Variants in SMIM7 observed in about 807,000 individuals in gnomAD.
SMIM7 encodes UPF0608 protein C19orf42.
SMIM7 carries 12 observed loss-of-function variants against 13.3 expected under a neutral mutation model. The ratio of observed to expected loss-of-function variants is 0.90; its 90% confidence interval spans 0.58 to 1.46. The LOEUF (loss-of-function observed/expected upper bound fraction) is 1.46, where lower values mean the gene tolerates loss of function less well. SMIM7 is among the 40% of genes most tolerant of loss of function. The pLI, the probability that SMIM7 is intolerant of heterozygous loss-of-function variation, is 0.00. For missense variants in SMIM7, 114 were observed against 94.8 expected (o/e 1.20, Z -0.84); for synonymous variants, 36 against 35.8 (o/e 1.01, Z -0.02).
intron 4 of SMIM7, among the ~76,000 whole-genome samples, chr19:16,639,251 T>C (rs994439014): frequency 1.3e-5 from 2 of 150,434 alleles, no homozygotes; most frequent in African/African-American, 4.9e-5. Flanking sequence ...GCCTCCCGAG[T>C]AGCTGGGATT....
downstream of SMIM7, among the ~76,000 whole-genome samples, chr19:16,642,679 A>G (rs539560608): frequency 2.2e-4 from 34 of 152,240 alleles, no homozygotes; most frequent in Admixed American, 9.8e-4. Flanking sequence ...GTCTCTCCCA[A>G]AAAATAAAAA....
chr19:16,644,503 C>T (rs1212997950), downstream of SMIM7, among the ~76,000 whole-genome samples: 3 of 151,156 alleles, frequency 2.0e-5, no homozygotes, highest in African/African-American at 7.3e-5. Context: ...CTGGCACGAT[C>T]TCAGCTCACT....
chr19:16,658,314 T>G (rs1028398041), intron 3 of SMIM7, among the ~76,000 whole-genome samples: 7 of 152,208 alleles, frequency 4.6e-5, no homozygotes, highest in African/African-American at 1.7e-4. Context: ...CCTAGCACAG[T>G]AGCCAGCATG....
chr19:16,651,754 TGA>T (rs1457842739), intron 4 of SMIM7, among the ~76,000 whole-genome samples: 2 of 148,148 alleles, frequency 1.3e-5, no homozygotes, highest in African/African-American at 2.5e-5. Context: ...AAGACGAGAA[TGA>T]GAGAAGCATG....
At chr19:16,656,490 A>G (rs2086598829) in intron 3 of SMIM7, among the ~76,000 whole-genome samples, 2 of 152,210 alleles carry the variant, frequency 1.3e-5, no homozygotes, top group Admixed American at 6.5e-5. Flanking sequence ...GGGAGGAGAA[A>G]TACTAAACAA....
intron 3 of SMIM7, among the ~76,000 whole-genome samples, chr19:16,658,912 G>A (rs1302048572): frequency 6.6e-6 from 1 of 151,942 alleles, no homozygotes; most frequent in Non-Finnish European, 1.5e-5. Flanking sequence ...ACATCAGGGA[G>A]GTCTGGTAGG....
At chr19:16,636,125 A>G (rs993089790) in intron 4 of SMIM7, 18 of 152,126 alleles carry the variant, frequency 1.2e-4, no homozygotes, top group African/African-American at 4.3e-4. Flanking sequence ...TAAATGGGGA[A>G]GAAAGAGGTA....
intron 4 of SMIM7, chr19:16,653,089 A>C (rs959319962): frequency 3.6e-6 from 4 of 1,103,606 alleles, no homozygotes; most frequent in Non-Finnish European, 5.1e-6. Context: ...CCACCTCGGC[A>C]GATGCAGAAG....
At chr19:16,643,497 A>G (rs544202128), downstream of SMIM7, among the ~76,000 whole-genome samples, 1 of 152,266 alleles carries the variant, frequency 6.6e-6, no homozygotes, top group Non-Finnish European at 1.5e-5. Flanking sequence ...CCCGAGTTCA[A>G]GTGATTCCTC....
intron 4 of SMIM7, among the ~76,000 whole-genome samples, chr19:16,650,116 C>T (rs988876853): frequency 5.3e-5 from 8 of 152,144 alleles, no homozygotes; most frequent in African/African-American, 1.7e-4. Context: ...CCGCCTTTTA[C>T]TTGTAAAACC....
chr19:16,650,669 C>A (rs567873231), intron 4 of SMIM7, among the ~76,000 whole-genome samples: 1 of 149,728 alleles, frequency 6.7e-6, no homozygotes, highest in East Asian at 2.0e-4. Flanking sequence ...GAGACTGTGC[C>A]ACTGCACTCC....
chr19:16,644,130 T>G (rs1465768587), downstream of SMIM7, among the ~76,000 whole-genome samples: 2 of 148,034 alleles, frequency 1.4e-5, no homozygotes, highest in Non-Finnish European at 3.0e-5. Flanking sequence ...TTTTTTTTTT[T>G]TTTTTTTTTT....
At chr19:16,654,881 C>T (rs1011333901) in intron 3 of SMIM7, among the ~76,000 whole-genome samples, 1 of 143,544 alleles carries the variant, frequency 7.0e-6, no homozygotes, top group Non-Finnish European at 1.5e-5. Flanking sequence ...CCATATGGCC[C>T]GCAAAGCCCT....
At chr19:16,659,857 C>T (rs571119720) in intron 2 of SMIM7, 102 bp downstream of exon 2, 8 of 1,473,686 alleles carry the variant, frequency 5.4e-6, no homozygotes, top group African/African-American at 2.8e-5. Context: ...GCGGGGCCTG[C>T]GGCTTGGGGG....
At chr19:16,652,732 C>G in intron 4 of SMIM7, 1 of 1,450,794 alleles carries the variant, frequency 6.9e-7, no homozygotes, top group South Asian at 1.5e-5. Flanking sequence ...GCAGACTGGA[C>G]AGCAACCCCA....
intron 2 of SMIM7, 200 bp downstream of exon 2, chr19:16,659,759 G>A (rs1261730583): frequency 4.2e-6 from 3 of 706,782 alleles, no homozygotes; most frequent in Admixed American, 2.6e-5. Context: ...GACAACCAAG[G>A]AACGGAGAGT....
At chr19:16,639,122 T>C (rs2086382905) in intron 4 of SMIM7, among the ~76,000 whole-genome samples, 1 of 134,176 alleles carries the variant, frequency 7.5e-6, no homozygotes, top group Admixed American at 7.6e-5. Flanking sequence ...AAGATGTCAT[T>C]TTTTTTTTTT....
At chr19:16,659,268 G>A (rs2064733295) in intron 3 of SMIM7, 127 bp downstream of exon 3, 2 of 860,266 alleles carry the variant, frequency 2.3e-6, no homozygotes, top group Admixed American at 2.8e-5. Context: ...GGACAACAGA[G>A]CAAGACCTTG....
rs779695843 is a variant in SMIM7, at chr19:16,659,439, T to C, written c.77A>G (p.Lys26Arg). The change falls in exon 3 of 5, where the codon AAG (lysine) becomes AGG (arginine). Residue 26 changes from lysine to arginine, a missense_variant. Coordinates refer to ENST00000487416, the MANE Select transcript of SMIM7 (RefSeq NM_024104.4). ...GAVLNFKLKK[K>R]DTQGFGEESR... ...CTCCTCCCCAAAGCCCTGCGTGTCC[T>C]TCTTTTTCCTACAAAGAGGAGCAGA... The C allele has an allele frequency of 1.2e-6, 2 of 1,613,400 alleles. No individual in the cohort carries two copies. The highest frequency in any genetic ancestry group is 1.7e-6 in the Non-Finnish European group (2 of 1,179,758).
Sources: allele counts gnomAD v4.1 joint callset (sites outside exome capture counted in the v4.1 genomes callset), GRCh38; gene constraint gnomAD v4.1.1; transcripts MANE v1.5; gene names NCBI Gene and HGNC (gene_info 2026-07-23, HGNC 2026-07-21).